Variants in RHAG observed in about 807,000 individuals in gnomAD.
The protein encoded by RHAG is Rh associated glycoprotein.
A neutral mutation model predicts 42.4 loss-of-function variants in RHAG; 25 were observed. The ratio of observed to expected loss-of-function variants is 0.59; its 90% confidence interval spans 0.43 to 0.82. The LOEUF (loss-of-function observed/expected upper bound fraction) is 0.82. Among genes scored for constraint, RHAG ranks in the 40% least tolerant of loss-of-function variants. RHAG has a pLI of 0.00. For missense variants in RHAG, 483 were observed against 504.6 expected, an observed-to-expected ratio of 0.96 and a Z score of 0.41; for synonymous variants, 182 against 177.7, an observed-to-expected ratio of 1.02 and a Z score of -0.19.
intron 1 of RHAG, among the ~76,000 whole-genome samples, chr6:49,631,717 A>G (rs1762939345): frequency 6.6e-6 from 1 of 152,234 alleles, no homozygotes; most frequent in Non-Finnish European, 1.5e-5. Flanking sequence ...ATTTGTGCCC[A>G]TGGCTTGCAG....
chr6:49,617,067 A>G (rs1345477129), intron 3 of RHAG, among the ~76,000 whole-genome samples: 1 of 152,222 alleles, frequency 6.6e-6, no homozygotes, highest in Non-Finnish European at 1.5e-5. Flanking sequence ...CAGAGTCTTT[A>G]TTAATCTGAC....
intron 1 of RHAG, among the ~76,000 whole-genome samples, chr6:49,631,378 A>G (rs962702837): frequency 1.1e-4 from 16 of 152,112 alleles, no homozygotes; most frequent in African/African-American, 3.9e-4. Context: ...ATTCTCCTTT[A>G]TATTAATTAG....
At chr6:49,636,611 C>T (rs368780347) in intron 1 of RHAG, 45 bp downstream of exon 1, 107 of 1,600,816 alleles carry the variant, frequency 6.7e-5, no homozygotes, top group Non-Finnish European at 8.1e-5. Context: ...TCTGAGAAAC[C>T]GAAGAACCGA....
intron 1 of RHAG, among the ~76,000 whole-genome samples, chr6:49,624,732 T>C (rs1762816684): frequency 6.6e-6 from 1 of 152,238 alleles, no homozygotes; most frequent in African/African-American, 2.4e-5. Flanking sequence ...ATGTGAAATA[T>C]ATCCAGAATA....
chr6:49,629,571 C>T (rs982349091), intron 1 of RHAG, among the ~76,000 whole-genome samples: 5 of 151,818 alleles, frequency 3.3e-5, no homozygotes, highest in African/African-American at 9.7e-5. Context: ...CTTGGGTGGT[C>T]GATGGGACTG....
intron 6 of RHAG, among the ~76,000 whole-genome samples, chr6:49,611,830 C>T (rs1242604047): frequency 6.6e-6 from 1 of 151,910 alleles, no homozygotes; most frequent in Non-Finnish European, 1.5e-5. Flanking sequence ...CAACCTCCAC[C>T]TCCCGGGTTC....
chr6:49,627,163 G>T (rs1343101637), intron 1 of RHAG, among the ~76,000 whole-genome samples: 1 of 152,202 alleles, frequency 6.6e-6, no homozygotes, highest in Admixed American at 6.5e-5. Context: ...TTCTGCAGCT[G>T]TCTTAAATTT....
chr6:49,606,872 G>T lies in RHAG; in HGVS notation c.1188C>A (p.Cys396Ter). The T allele has an allele frequency of 6.2e-7, 1 of 1,610,254 alleles. No homozygotes were observed. Among genetic ancestry groups the T allele is most frequent in the East Asian group, 2.2e-5 (1 of 44,856 alleles). ...PLWGQPSDQN[C>*]YDDSVYWKVP... Reference sequence around the variant, plus strand: ...CCTTCCAATAAACAGAATCATCATAGCAGTTCTGGTCAGATGGCTGTCCCC... The same window carrying T: ...CCTTCCAATAAACAGAATCATCATATCAGTTCTGGTCAGATGGCTGTCCCC... The change falls in exon 9 of 10, where the codon TGC (cysteine) becomes TGA (stop). Residue 396 changes from cysteine to a stop codon, truncating the protein, a stop_gained. Coordinates refer to ENST00000371175, the MANE Select transcript of RHAG (RefSeq NM_000324.3). LOFTEE classifies it high-confidence loss of function.
At chr6:49,614,601 A>G in intron 5 of RHAG, 86 bp downstream of exon 5, 1 of 1,071,878 alleles carries the variant, frequency 9.3e-7, no homozygotes, top group South Asian at 1.3e-5. Flanking sequence ...AGAGTTCAGC[A>G]GTGATGCAGA....
intron 1 of RHAG, among the ~76,000 whole-genome samples, chr6:49,626,670 ACT>A (rs1562018546): frequency 1.3e-5 from 2 of 152,032 alleles, no homozygotes; most frequent in South Asian, 2.1e-4. Flanking sequence ...TTTAGTAGTG[ACT>A]CTGTGTTTGG....
At chr6:49,618,549 G>T (rs1448524471) in intron 2 of RHAG, among the ~76,000 whole-genome samples, 1 of 152,098 alleles carries the variant, frequency 6.6e-6, no homozygotes, top group Non-Finnish European at 1.5e-5. Context: ...GGAAATTTTT[G>T]CTCCCTGTAG....
chr6:49,621,371 A>T (rs548627663), intron 1 of RHAG, among the ~76,000 whole-genome samples: 1 of 152,176 alleles, frequency 6.6e-6, no homozygotes, highest in Non-Finnish European at 1.5e-5. Flanking sequence ...ACTGATTCAC[A>T]TGAGCAACCG....
intron 1 of RHAG, among the ~76,000 whole-genome samples, chr6:49,629,909 C>G (rs1203507088): frequency 2.0e-5 from 3 of 152,190 alleles, no homozygotes; most frequent in African/African-American, 7.2e-5. Flanking sequence ...CACGCAGCCC[C>G]GGTTCCCGCT....
chr6:49,611,890 C>T (rs945784329), intron 6 of RHAG, among the ~76,000 whole-genome samples: 10 of 151,750 alleles, frequency 6.6e-5, no homozygotes, highest in South Asian at 2.1e-4. Flanking sequence ...TACAGGTACC[C>T]GCCACCATGC....
At position 49,605,431 on chromosome 6, in the gene RHAG, G is replaced by C; in HGVS notation, c.*382C>G. The C allele has an allele frequency of 3.8e-6, 1 of 260,722 alleles. No homozygotes were observed. Among genetic ancestry groups the C allele is most frequent in the South Asian group, 5.5e-5 (1 of 18,126 alleles). The allele number at this position is 260,722 out of a possible 1,614,324, so 16.2% of individuals were successfully genotyped here. A position where few individuals can be genotyped will look rare whatever the true frequency, so the allele number is the denominator to read the frequency against. ...TTTCTCACATCTATTCTTGCTTCAT[G>C]GGTTTCAGTTTTATAATTTTTGGGA... On this transcript the variant is annotated 3_prime_UTR_variant, in exon 10 of 10. Coordinates refer to ENST00000371175, the MANE Select transcript of RHAG (RefSeq NM_000324.3).
At chr6:49,607,406 T>C (rs1762493955) in intron 7 of RHAG, among the ~76,000 whole-genome samples, 186 bp from the exon 8 acceptor site, 1 of 152,264 alleles carries the variant, frequency 6.6e-6, no homozygotes, top group Non-Finnish European at 1.5e-5. Flanking sequence ...TGAGCAGTGT[T>C]AGAAAATTCT....
intron 1 of RHAG, among the ~76,000 whole-genome samples, chr6:49,629,479 G>A (rs899595689): frequency 1.3e-5 from 2 of 152,222 alleles, no homozygotes; most frequent in African/African-American, 4.8e-5. Context: ...AGCTCAGCCG[G>A]CTTCACCCAG....
intron 3 of RHAG, among the ~76,000 whole-genome samples, chr6:49,617,617 A>T (rs983814530): frequency 2.0e-5 from 3 of 152,198 alleles, no homozygotes; most frequent in African/African-American, 7.2e-5. Context: ...CCTGGGGGGA[A>T]TCAATGAAAT....
intron 1 of RHAG, among the ~76,000 whole-genome samples, chr6:49,621,746 C>A (rs1762762525): frequency 6.6e-6 from 1 of 152,046 alleles, no homozygotes; most frequent in Non-Finnish European, 1.5e-5. Flanking sequence ...ATGCATGATT[C>A]TTAGTATGGT....
Sources: gnomAD v4.1 joint callset for allele counts (sites outside exome capture counted in the v4.1 genomes callset) on GRCh38, gnomAD v4.1.1 for gene constraint, MANE v1.5 for transcripts, NCBI Gene and HGNC (gene_info 2026-07-23, HGNC 2026-07-21) for gene names.